The following CNTNAP2 variants were observed in gnomAD, a reference collection of about 807,000 sequenced individuals.
CNTNAP2 encodes contactin-associated protein-like 2.
Under a neutral mutation model 155.2 loss-of-function variants are expected in CNTNAP2, and 98 were observed. The observed-to-expected ratio is 0.63, with a 90% CI of 0.54 to 0.75. The LOEUF (loss-of-function observed/expected upper bound fraction) is 0.75. Among genes scored for constraint, CNTNAP2 ranks in the 30% least tolerant of loss-of-function variants. The pLI, the probability that CNTNAP2 is intolerant of heterozygous loss-of-function variation, is 0.00. For missense variants in CNTNAP2, 1,727 were observed against 1,688.1 expected (o/e 1.02, Z -0.40); for synonymous variants, 651 against 631.2 (o/e 1.03, Z -0.47).
intron 1 of CNTNAP2, among the ~76,000 whole-genome samples, chr7:146,658,317 G>C (rs905651302): frequency 1.3e-5 from 2 of 151,754 alleles, no homozygotes; most frequent in Admixed American, 1.3e-4. Context: ...GGAATTCTGA[G>C]CTAAGTTATA....
At chr7:147,127,449 A>C (rs1254383691) in intron 6 of CNTNAP2, among the ~76,000 whole-genome samples, 2 of 152,070 alleles carry the variant, frequency 1.3e-5, no homozygotes, top group East Asian at 3.9e-4. Flanking sequence ...TTAAGCATTT[A>C]AGATGCCATA....
chr7:146,514,673 C>A (rs1259422618), intron 1 of CNTNAP2, among the ~76,000 whole-genome samples: 1 of 147,020 alleles, frequency 6.8e-6, no homozygotes, highest in South Asian at 2.1e-4. Flanking sequence ...TTTTTTTTTT[C>A]TTCCAGTAAC....
chr7:147,082,204 T>C (rs1800148416), intron 4 of CNTNAP2: 1 of 152,176 alleles, frequency 6.6e-6, no homozygotes, highest in Non-Finnish European at 1.5e-5. Flanking sequence ...TACAAATTAA[T>C]TGGTACCACG....
chr7:147,374,286 TA>T (rs1398746156), intron 9 of CNTNAP2, among the ~76,000 whole-genome samples: 13 of 152,134 alleles, frequency 8.5e-5, no homozygotes, highest in Admixed American at 3.9e-4. Flanking sequence ...TGAGTTCAAC[TA>T]AATAGCTAAA....
intron 13 of CNTNAP2, among the ~76,000 whole-genome samples, chr7:147,641,307 T>C (rs1487846269): frequency 6.6e-6 from 1 of 152,222 alleles, no homozygotes; most frequent in East Asian, 1.9e-4. Flanking sequence ...GCTAGAATTA[T>C]AGACAGAGTA....
At chr7:146,691,281 G>A (rs561386397) in intron 1 of CNTNAP2, among the ~76,000 whole-genome samples, 1 of 151,660 alleles carries the variant, frequency 6.6e-6, no homozygotes, top group East Asian at 1.9e-4. Flanking sequence ...ATGTAAAGAT[G>A]CTCCTCGATT....
At chr7:147,373,599 A>G (rs1039990637) in intron 9 of CNTNAP2, among the ~76,000 whole-genome samples, 7 of 152,188 alleles carry the variant, frequency 4.6e-5, no homozygotes, top group African/African-American at 1.7e-4. Flanking sequence ...TATAACAGAG[A>G]CTTCTGGATT....
chr7:146,940,647 A>C (rs928564949), intron 3 of CNTNAP2, among the ~76,000 whole-genome samples: 11 of 151,984 alleles, frequency 7.2e-5, no homozygotes, highest in African/African-American at 2.7e-4. Flanking sequence ...ATTGAATTTA[A>C]GCTCCACAGA....
chr7:147,500,311 A>G (rs371547669), intron 11 of CNTNAP2, among the ~76,000 whole-genome samples: 1 of 152,186 alleles, frequency 6.6e-6, no homozygotes, highest in East Asian at 1.9e-4. Flanking sequence ...TTATGAATGC[A>G]AAAACAGACC....
chr7:148,211,709 C>T (rs541065681), intron 18 of CNTNAP2, among the ~76,000 whole-genome samples: 22 of 152,290 alleles, frequency 1.4e-4, no homozygotes, highest in African/African-American at 4.6e-4. Flanking sequence ...TAAGAATAAA[C>T]CTGAAGGCGT....
At chr7:146,599,941 T>C (rs950276213) in intron 1 of CNTNAP2, among the ~76,000 whole-genome samples, 3 of 152,124 alleles carry the variant, frequency 2.0e-5, no homozygotes, top group Admixed American at 2.0e-4. Flanking sequence ...TATAGAGATT[T>C]ATATTTCCCG....
chr7:146,417,686 T>A (rs1330732933), intron 1 of CNTNAP2, among the ~76,000 whole-genome samples: 1 of 152,154 alleles, frequency 6.6e-6, no homozygotes, highest in African/African-American at 2.4e-5. Context: ...GCATAAAAGG[T>A]ATGTGTTCAA....
chr7:147,744,603 G>T (rs186820469), intron 13 of CNTNAP2, among the ~76,000 whole-genome samples: 284 of 152,270 alleles, frequency 1.9e-3, no homozygotes, highest in Middle Eastern at 6.8e-3. Context: ...AGATTGGATG[G>T]CATAAGCAAC....
intron 1 of CNTNAP2, among the ~76,000 whole-genome samples, chr7:146,203,051 A>G (rs952348336): frequency 2.6e-5 from 4 of 152,316 alleles, no homozygotes; most frequent in Non-Finnish European, 4.4e-5. Context: ...TCGTCTCTAT[A>G]AAAGAACAAA....
intron 13 of CNTNAP2, among the ~76,000 whole-genome samples, chr7:147,816,652 A>G (rs961834900): frequency 6.6e-6 from 1 of 152,172 alleles, no homozygotes; most frequent in African/African-American, 2.4e-5. Context: ...TGATAATTAA[A>G]GGGGAAAAAA....
intron 1 of CNTNAP2, among the ~76,000 whole-genome samples, chr7:146,215,430 G>A (rs1187986412): frequency 4.6e-5 from 7 of 151,948 alleles, no homozygotes; most frequent in Non-Finnish European, 1.0e-4. Flanking sequence ...CCTTATCAGG[G>A]TTAGCTCAAG....
At chr7:147,498,191 A>T (rs1443433553) in intron 11 of CNTNAP2, among the ~76,000 whole-genome samples, 1 of 148,078 alleles carries the variant, frequency 6.8e-6, no homozygotes, top group Non-Finnish European at 1.5e-5. Context: ...AAAAAAAAAA[A>T]TCTCCTCTCT....
intron 3 of CNTNAP2, among the ~76,000 whole-genome samples, chr7:146,879,898 A>G (rs1795506062): frequency 1.3e-5 from 2 of 152,258 alleles, no homozygotes; most frequent in South Asian, 4.1e-4. Context: ...GGGAGGCCTC[A>G]CTATCATGGC....
chr7:146,781,249 A>C (rs1220057203), intron 2 of CNTNAP2, among the ~76,000 whole-genome samples: 1 of 151,656 alleles, frequency 6.6e-6, no homozygotes, highest in Non-Finnish European at 1.5e-5. Context: ...AACAAAAAAA[A>C]AACACCCTAG....
Sources: allele counts gnomAD v4.1 joint callset (sites outside exome capture counted in the v4.1 genomes callset), GRCh38; gene constraint gnomAD v4.1.1; transcripts MANE v1.5; gene names NCBI Gene and HGNC (gene_info 2026-07-23, HGNC 2026-07-21).